Variants in ASTN2 observed in about 807,000 individuals in gnomAD.
The protein encoded by ASTN2 is astrotactin-2.
A neutral mutation model predicts 139.8 loss-of-function variants in ASTN2; 54 were observed. The ratio of observed to expected loss-of-function variants is 0.39; its 90% CI spans 0.31 to 0.48. The LOEUF (loss-of-function observed/expected upper bound fraction) is 0.48. Ranked by LOEUF, ASTN2 falls within the 20% of genes least tolerant of loss-of-function variation. The probability of loss-of-function intolerance (pLI) is 0.95; values close to 1 mark genes in which losing one functional copy is unlikely to be tolerated. For synonymous variants in ASTN2, 756 were observed against 719.5 expected, an observed-to-expected ratio of 1.05 and a Z score of -0.81; for missense variants, 1,565 against 1,725.1, an observed-to-expected ratio of 0.91 and a Z score of 1.64.
intron 11 of ASTN2, among the ~76,000 whole-genome samples, chr9:116,850,400 G>C (rs768047292): frequency 6.6e-6 from 1 of 152,176 alleles, no homozygotes; most frequent in Admixed American, 6.5e-5. Context: ...AGAACAGCAG[G>C]AATCTGTGTG....
At chr9:117,300,553 C>T (rs1379896800) in intron 1 of ASTN2, among the ~76,000 whole-genome samples, 2 of 152,174 alleles carry the variant, frequency 1.3e-5, no homozygotes, top group Non-Finnish European at 2.9e-5. Context: ...CAGCTTGTTA[C>T]AGGAACACAC....
intron 19 of ASTN2, among the ~76,000 whole-genome samples, chr9:116,615,748 AT>A: frequency 6.6e-6 from 1 of 151,316 alleles, no homozygotes; most frequent in Non-Finnish European, 1.5e-5. Flanking sequence ...GGGGGGACGG[AT>A]AGCATTAGGA....
intron 6 of ASTN2, among the ~76,000 whole-genome samples, chr9:117,016,644 A>AACC (rs1291242845): frequency 5.7e-4 from 54 of 94,898 alleles, no homozygotes; most frequent in Non-Finnish European, 8.0e-4. Flanking sequence ...ATATATATAT[A>AACC]TATATATATA....
chr9:116,632,200 G>GAA (rs1856809873), intron 17 of ASTN2, among the ~76,000 whole-genome samples: 1 of 32,290 alleles, frequency 3.1e-5, no homozygotes, highest in Non-Finnish European at 5.8e-5. Flanking sequence ...GAGAGAGAAA[G>GAA]AAAGAAAAGA....
intron 1 of ASTN2, among the ~76,000 whole-genome samples, chr9:117,329,828 A>G (rs1828644183): frequency 6.6e-6 from 1 of 152,234 alleles, no homozygotes; most frequent in African/African-American, 2.4e-5. Context: ...TGGGCTTGAC[A>G]CTAAAATAAT....
chr9:117,317,374 T>G (rs1828176945), intron 1 of ASTN2, among the ~76,000 whole-genome samples: 2 of 152,128 alleles, frequency 1.3e-5, no homozygotes, highest in African/African-American at 4.8e-5. Context: ...AACTTAGGGG[T>G]GGCCCTATCT....
At chr9:116,656,526 C>G (rs947886634) in intron 16 of ASTN2, among the ~76,000 whole-genome samples, 1 of 152,114 alleles carries the variant, frequency 6.6e-6, no homozygotes, top group African/African-American at 2.4e-5. Flanking sequence ...GTTCACATTT[C>G]CCATCCCTCT....
At chr9:117,138,817 T>C (rs1165222657) in intron 4 of ASTN2, among the ~76,000 whole-genome samples, 1 of 152,204 alleles carries the variant, frequency 6.6e-6, no homozygotes, top group East Asian at 1.9e-4. Context: ...AATCTGACTA[T>C]GAAATTCTTC....
intron 19 of ASTN2, among the ~76,000 whole-genome samples, chr9:116,513,474 G>A (rs1227527245): frequency 6.6e-6 from 1 of 151,698 alleles, no homozygotes; most frequent in Non-Finnish European, 1.5e-5. Context: ...TGATAATTAT[G>A]TGTCTTGGAG....
intron 19 of ASTN2, among the ~76,000 whole-genome samples, chr9:116,494,226 C>T (rs1038077941): frequency 2.6e-5 from 4 of 152,110 alleles, no homozygotes; most frequent in Admixed American, 6.6e-5. Flanking sequence ...AGACCTACCA[C>T]TTATGAACTA....
chr9:117,368,983 T>A (rs1011421389), intron 1 of ASTN2, among the ~76,000 whole-genome samples: 1 of 152,186 alleles, frequency 6.6e-6, no homozygotes, highest in African/African-American at 2.4e-5. Flanking sequence ...AATCATCATT[T>A]ACTTAAGGGA....
chr9:116,821,598 G>T (rs138094729), intron 11 of ASTN2, among the ~76,000 whole-genome samples: 57 of 152,192 alleles, frequency 3.7e-4, no homozygotes, highest in African/African-American at 1.1e-3. Flanking sequence ...TTTCTAAATA[G>T]CATCACTCCC....
chr9:117,244,853 G>A (rs1382346083), intron 2 of ASTN2, among the ~76,000 whole-genome samples: 1 of 152,044 alleles, frequency 6.6e-6, no homozygotes, highest in Non-Finnish European at 1.5e-5. Context: ...ACACTGTGAA[G>A]CTGCTATACC....
At chr9:117,176,665 G>A (rs1830925854) in intron 3 of ASTN2, among the ~76,000 whole-genome samples, 1 of 152,180 alleles carries the variant, frequency 6.6e-6, no homozygotes, top group South Asian at 2.1e-4. Flanking sequence ...AGGTACAGTG[G>A]CTTACACCTC....
chr9:116,840,558 GA>G (rs1832199197), intron 11 of ASTN2, among the ~76,000 whole-genome samples: 1 of 104,430 alleles, frequency 9.6e-6, no homozygotes, highest in Non-Finnish European at 1.9e-5. Context: ...GTGGGGGGCT[GA>G]CCCCCCCACC....
In ASTN2 at chr9:117,187,661, G is replaced by T. The variant is rs531642026; in HGVS notation, c.1015+26697C>A. Among the ~76,000 whole-genome samples, 6 of 152,210 alleles carry T rather than the reference G, an allele frequency of 3.9e-5. No homozygotes were observed. In the South Asian group the frequency reaches 1.2e-3, roughly 32 times the overall value. On this transcript the variant is annotated intron_variant, in intron 3 of 22. Transcript: ENST00000313400. The stretch of plus-strand genomic sequence containing the variant: ...TCTCCCTGGTCATGTGATGCCCTGC[G>T]CTGCCTCAGGACTCTGCAGACAGTC...
chr9:116,876,516 TG>T (rs1833303707), intron 10 of ASTN2, among the ~76,000 whole-genome samples: 1 of 152,208 alleles, frequency 6.6e-6, no homozygotes, highest in African/African-American at 2.4e-5. Flanking sequence ...GTGGGTAAAA[TG>T]CTATCAGACT....
At chr9:116,836,823 T>A (rs189863593) in intron 11 of ASTN2, among the ~76,000 whole-genome samples, 1 of 151,974 alleles carries the variant, frequency 6.6e-6, no homozygotes, top group Admixed American at 6.6e-5. Context: ...GCCAGAAAAA[T>A]AGAGAAAATG....
chr9:117,025,852 C>T (rs12344630), intron 6 of ASTN2, among the ~76,000 whole-genome samples: 8,864 of 150,372 alleles, frequency 0.059, 800 homozygotes, highest in African/African-American at 0.19. Flanking sequence ...AGTGCAGTCG[C>T]GTGATCTTGG....
Sources: gnomAD v4.1 joint callset for allele counts (sites outside exome capture counted in the v4.1 genomes callset) on GRCh38, gnomAD v4.1.1 for gene constraint, MANE v1.5 for transcripts, NCBI Gene and HGNC (gene_info 2026-07-23, HGNC 2026-07-21) for gene names.